Variants in ZC3H12B observed in about 807,000 individuals in gnomAD.
The protein encoded by ZC3H12B is zinc finger CCCH-type containing 12B, also known as probable ribonuclease ZC3H12B.
In ZC3H12B, 7 loss-of-function variants were observed where a neutral mutation model predicts 43.9. The observed-to-expected ratio is 0.16, with a 90% CI of 0.09 to 0.30. The LOEUF (loss-of-function observed/expected upper bound fraction) is 0.30, where lower values mean the gene tolerates loss of function less well. Ranked by LOEUF, ZC3H12B falls within the 10% of genes least tolerant of loss-of-function variation. ZC3H12B has a pLI of 1.00. For synonymous variants in ZC3H12B, 222 were observed against 241.7 expected (o/e 0.92, Z 0.76); for missense variants, 475 against 670.2 (o/e 0.71, Z 3.22).
chrX:65,501,994 C>G (rs777186010), exon 5 of ZC3H12B: 2 of 1,209,899 alleles, frequency 1.7e-6, no homozygotes. Context: ...GTGTGGCCCC[C>G]AAGCGCCAAT....
At chrX:65,074,548 A>G in the ZC3H12B span, among the ~76,000 whole-genome samples, 1 of 111,855 alleles carries the variant, frequency 8.9e-6, no homozygotes, top group Non-Finnish European at 1.9e-5. Flanking sequence ...TTATTTCTTT[A>G]AATAAATGTT....
upstream of ZC3H12B, among the ~76,000 whole-genome samples, chrX:65,364,009 A>C (rs1379335567): frequency 9.0e-6 from 1 of 110,809 alleles, no homozygotes; most frequent in African/African-American, 3.3e-5. Context: ...CCATGACTGT[A>C]TCTCTCTGAT....
At position 65,456,704 on chromosome X, in the gene ZC3H12B, G is replaced by A. The variant is rs374461520; in HGVS notation, n.408-31942G>A. Among the ~76,000 whole-genome samples the A allele has an allele frequency of 7.0e-4, 75 of 107,143 alleles. 1 individual carries two copies. Among genetic ancestry groups the A allele is most frequent in the East Asian group, 6.6e-3 (21 of 3,204 alleles). The allele number at this position is 107,143 out of a possible 115,157, so 93.0% of individuals were successfully genotyped here. A position where few individuals can be genotyped will look rare whatever the true frequency, so the allele number is the denominator to read the frequency against. On this transcript the variant is annotated intron_variant and non_coding_transcript_variant, in intron 3 of 5. Transcript: ENST00000617377. ...AGTGATCAGCCAGCCTCGGCCTCCCGAGGCACCGGGATTGCAGACAGAGTC... is the reference window on the plus strand; with the variant it reads ...AGTGATCAGCCAGCCTCGGCCTCCCAAGGCACCGGGATTGCAGACAGAGTC...
chrX:65,381,512 A>G (rs1241806901), intron 2 of ZC3H12B, among the ~76,000 whole-genome samples: 1 of 111,658 alleles, frequency 9.0e-6, no homozygotes, highest in Non-Finnish European at 1.9e-5. Flanking sequence ...GAAAGATCCA[A>G]AATTGACACC....
chrX:65,453,877 G>T (rs1004142361), intron 3 of ZC3H12B, among the ~76,000 whole-genome samples: 2 of 111,910 alleles, frequency 1.8e-5, no homozygotes, highest in Non-Finnish European at 1.9e-5. Flanking sequence ...ACGATGCAAA[G>T]GCATAAGAAT....
At chrX:65,400,252 A>G (rs779448524) in intron 3 of ZC3H12B, among the ~76,000 whole-genome samples, 2 of 111,896 alleles carry the variant, frequency 1.8e-5, no homozygotes, top group African/African-American at 6.5e-5. Flanking sequence ...GTGGGAATAT[A>G]TGTTATATAT....
At chrX:65,099,868 G>A in the ZC3H12B span, among the ~76,000 whole-genome samples, 33 of 111,660 alleles carry the variant, frequency 3.0e-4, no homozygotes, top group African/African-American at 9.1e-4. Context: ...GGTGCAAACT[G>A]GACAGAGAAT....
the ZC3H12B span, among the ~76,000 whole-genome samples, chrX:65,159,996 C>G: frequency 8.9e-6 from 1 of 111,740 alleles, no homozygotes; most frequent in Non-Finnish European, 1.9e-5. Context: ...TTGTCAAAGG[C>G]CTTTTCTGCA....
the ZC3H12B span, among the ~76,000 whole-genome samples, chrX:65,170,267 G>A: frequency 2.7e-5 from 3 of 111,573 alleles, no homozygotes; most frequent in Non-Finnish European, 5.6e-5. Context: ...TGTCTGTAAA[G>A]TATTTTATTT....
At position 65,416,804 on chromosome X, in the gene ZC3H12B, C is replaced by T. The variant is rs2066968065; in HGVS notation, n.407+18100C>T. 2.8e-5 allele frequency among the ~76,000 whole-genome samples: 3 copies of T among 108,377 alleles called. No homozygotes were observed. In the South Asian group the frequency reaches 1.2e-3, roughly 43 times the overall value. The allele number at this position is 108,377 out of a possible 115,157, so 94.1% of individuals were successfully genotyped here. On this transcript the variant is annotated intron_variant and non_coding_transcript_variant, in intron 3 of 5. Coordinates refer to the ZC3H12B transcript ENST00000617377. ...ACTCCGTCAAAAAAAAAAAAAAATG[C>T]AAAATCTTAGGCCCACTCCAGACTT...
At chrX:65,288,391 G>T in the ZC3H12B span, among the ~76,000 whole-genome samples, 2 of 111,747 alleles carry the variant, frequency 1.8e-5, no homozygotes, top group Non-Finnish European at 3.8e-5. Context: ...GATGAATAAA[G>T]ATGCTAAAAT....
the ZC3H12B span, among the ~76,000 whole-genome samples, chrX:65,141,413 C>T: frequency 9.1e-6 from 1 of 109,831 alleles, no homozygotes; most frequent in Admixed American, 9.7e-5. Context: ...TACGTGGGCT[C>T]TTTAATTTAA....
chrX:65,131,917 G>A, the ZC3H12B span, among the ~76,000 whole-genome samples: 1 of 111,330 alleles, frequency 9.0e-6, no homozygotes, highest in South Asian at 3.8e-4. Flanking sequence ...TAAAGTAGAA[G>A]GTCATCGATA....
At chrX:65,072,613 T>G in the ZC3H12B span, among the ~76,000 whole-genome samples, 1 of 111,955 alleles carries the variant, frequency 8.9e-6, no homozygotes, top group East Asian at 2.8e-4. Context: ...ATTTGGTGGG[T>G]ACAGTCAACT....
the ZC3H12B span, among the ~76,000 whole-genome samples, chrX:65,119,111 C>T: frequency 1.4e-3 from 157 of 111,219 alleles, 1 homozygote; most frequent in African/African-American, 5.0e-3. Flanking sequence ...AGTAAACATA[C>T]GTGTGCATGT....
the ZC3H12B span, among the ~76,000 whole-genome samples, chrX:65,043,744 C>G: frequency 9.0e-6 from 1 of 111,326 alleles, no homozygotes; most frequent in African/African-American, 3.2e-5. Flanking sequence ...TAGGTAATAT[C>G]TGATTTTTTC....
intron 3 of ZC3H12B, among the ~76,000 whole-genome samples, chrX:65,442,457 C>T (rs1186939404): frequency 1.8e-5 from 2 of 110,865 alleles, no homozygotes; most frequent in Non-Finnish European, 3.8e-5. Context: ...AATGCTCACT[C>T]CTCTAAGCCG....
rs186429112 is a variant in ZC3H12B, at chrX:65,383,298, G to A, written n.295+14300G>A. On this transcript the variant is annotated intron_variant and non_coding_transcript_variant, in intron 2 of 5. Transcript: ENST00000617377. ...GAACAGAGACATCAGAATTAATGCCGCATATCTACAACTATCTGATCTTTG... is the reference window on the plus strand; with the variant it reads ...GAACAGAGACATCAGAATTAATGCCACATATCTACAACTATCTGATCTTTG... 2.2e-3 allele frequency among the ~76,000 whole-genome samples: 250 copies of A among 111,409 alleles called. 2 individuals carry two copies. The highest frequency in any genetic ancestry group is 7.5e-3 in the African/African-American group (229 of 30,644).
chrX:65,201,878 T>G, the ZC3H12B span, among the ~76,000 whole-genome samples: 1 of 106,127 alleles, frequency 9.4e-6, no homozygotes, highest in Non-Finnish European at 1.9e-5. Context: ...TCAGGAGATC[T>G]GATGCTTTCA....
Sources: allele counts gnomAD v4.1 joint callset (sites outside exome capture counted in the v4.1 genomes callset), GRCh38; gene constraint gnomAD v4.1.1; transcripts MANE v1.5; gene names NCBI Gene and HGNC (gene_info 2026-07-23, HGNC 2026-07-21).